The following TFRC variants were observed in gnomAD, a reference collection of about 807,000 sequenced individuals.
The protein encoded by TFRC is transferrin receptor protein 1.
TFRC carries 35 observed loss-of-function variants against 85.8 expected under a neutral mutation model. The ratio of observed to expected loss-of-function variants is 0.41; its 90% CI spans 0.31 to 0.54. TFRC has a LOEUF of 0.54. Among genes scored for constraint, TFRC ranks in the 20% least tolerant of loss-of-function variants. The pLI is 0.31. For missense variants in TFRC, 828 were observed against 921.5 expected, an observed-to-expected ratio of 0.90 and a Z score of 1.31; for synonymous variants, 362 against 328.6, an observed-to-expected ratio of 1.10 and a Z score of -1.10.
Position 196,075,338 on chromosome 3 carries a change from T to C in TFRC, c.59A>G (p.Tyr20Cys). Residue 20 changes from tyrosine to cysteine, a missense_variant, in exon 3 of 19, where the codon TAT (tyrosine) becomes TGT (cysteine). Physicochemically the swap from Tyr to Cys is radical, Grantham distance 194. Transcript: ENST00000360110. ...SNLFGGEPLS[Y>C]TRFSLARQVD... ...TTGCCGAGCCAGGCTGAACCGGGTATATGACAATGGTTCTCCACCAAACTG... is the reference window on the plus strand; with the variant it reads ...TTGCCGAGCCAGGCTGAACCGGGTACATGACAATGGTTCTCCACCAAACTG... The C allele has an allele frequency of 6.2e-7, 1 of 1,614,156 alleles. No individual in the cohort carries two copies. Among genetic ancestry groups the C allele is most frequent in the Non-Finnish European group, 8.5e-7 (1 of 1,180,024 alleles).
chr3:196,075,365 G>A lies in TFRC; in HGVS notation c.37-5C>T. The stretch of plus-strand genomic sequence containing the variant: ...TGACAATGGTTCTCCACCAAACTGT[G>A]TTGCGGAAAAAGGCATGATGAAGAA... On this transcript the variant is annotated splice_region_variant and splice_polypyrimidine_tract_variant and intron_variant, in intron 2 of 18. Coordinates refer to ENST00000360110, the MANE Select transcript of TFRC (RefSeq NM_001128148.3). 3 of 1,613,964 alleles carry A rather than the reference G, an allele frequency of 1.9e-6. No homozygotes were observed. Among genetic ancestry groups the A allele is most frequent in the Non-Finnish European group, 2.5e-6 (3 of 1,179,896 alleles).
intron 13 of TFRC, among the ~76,000 whole-genome samples, chr3:196,061,703 T>TG (rs1577228358): frequency 6.6e-6 from 1 of 152,288 alleles, no homozygotes; most frequent in East Asian, 1.9e-4. Context: ...TTGGCCAGGC[T>TG]GGTCTCGAAC....
rs1718558254 is a variant in TFRC, at chr3:196,075,063, AAAAT to A, written c.238+92_238+95del. 8.2e-4 allele frequency: 567 copies of A among 692,108 alleles called. 5 individuals are homozygous for A. The highest frequency in any genetic ancestry group is 1.6e-3 in the South Asian group (68 of 43,260). 42.9% of individuals were successfully genotyped at this position (692,108 alleles called of 1,614,324 possible). On this transcript the variant is annotated intron_variant, in intron 3 of 18. Transcript: ENST00000360110. ...TCTGTCTCCAAAAAAAAAAAAAAAA[AAAAT>A]AAGGTACAAAATAACTATATGCTGA...
chr3:196,075,069 A>AAAAT, intron 3 of TFRC, 90 bp downstream of exon 3: 1 of 967,196 alleles, frequency 1.0e-6, no homozygotes, highest in Non-Finnish European at 1.5e-6. Context: ...AAAAAAAATA[A>AAAAT]GGTACAAAAT....
chr3:196,078,605 C>T (rs897862678), intron 1 of TFRC, among the ~76,000 whole-genome samples: 2 of 150,754 alleles, frequency 1.3e-5, no homozygotes, highest in African/African-American at 4.9e-5. Flanking sequence ...TGCAGTGAGC[C>T]GAGATGGCAC....
intron 11 of TFRC, 89 bp downstream of exon 11, chr3:196,064,220 A>G: frequency 7.4e-7 from 1 of 1,347,846 alleles, no homozygotes; most frequent in African/African-American, 1.5e-5. Flanking sequence ...GAACCACAGG[A>G]ATGCAGGCAA....
In TFRC at chr3:196,055,035, C is replaced by T. The variant is rs764816207; in HGVS notation, c.1899+45G>A. 4.5e-6 allele frequency: 7 copies of T among 1,570,364 alleles called. No homozygotes were observed. The African/African-American group carries it at 8.1e-5, about 18-fold the overall frequency. On this transcript the variant is annotated intron_variant, in intron 17 of 18. Transcript: ENST00000360110. Reference sequence around the variant, plus strand: ...CAGGAACACATCACATTTCAAAATACTTGACATTCAGCAAAATAAAAACGT... The same window carrying T: ...CAGGAACACATCACATTTCAAAATATTTGACATTCAGCAAAATAAAAACGT...
intron 16 of TFRC, chr3:196,055,582 TC>T (rs1716710228): frequency 2.1e-6 from 1 of 467,488 alleles, no homozygotes; most frequent in South Asian, 2.4e-5. Context: ...CTAGCCAAAT[TC>T]CTTAAGGCTG....
intron 10 of TFRC, among the ~76,000 whole-genome samples, chr3:196,064,661 C>T (rs1717566719): frequency 6.6e-6 from 1 of 152,218 alleles, no homozygotes; most frequent in East Asian, 1.9e-4. Context: ...TTACTGACTA[C>T]TTAAGTCCAA....
chr3:196,053,949 A>G (rs1189329667), intron 17 of TFRC, among the ~76,000 whole-genome samples: 1 of 152,228 alleles, frequency 6.6e-6, no homozygotes, highest in Non-Finnish European at 1.5e-5. Flanking sequence ...CAAGAAAGAC[A>G]TAAGATGCCG....
At chr3:196,073,500 C>A (rs1718403891) in intron 4 of TFRC, among the ~76,000 whole-genome samples, 1 of 152,046 alleles carries the variant, frequency 6.6e-6, no homozygotes, top group Non-Finnish European at 1.5e-5. Context: ...GCACTAGAGA[C>A]TTAAGGCAGG....
chr3:196,082,057 C>A lies in TFRC; in HGVS notation c.-38G>T, dbSNP rs1190109932. The A allele has an allele frequency of 2.6e-5, 4 of 153,230 alleles. No individual in the cohort carries two copies. The East Asian group carries it at 5.7e-4, about 22-fold the overall frequency. 9.5% of individuals were successfully genotyped at this position (153,230 alleles called of 1,614,324 possible). A position where few individuals can be genotyped will look rare whatever the true frequency, so the allele number is the denominator to read the frequency against. On this transcript the variant is annotated 5_prime_UTR_variant, in exon 1 of 19. Coordinates refer to ENST00000360110, the MANE Select transcript of TFRC (RefSeq NM_001128148.3). The stretch of plus-strand genomic sequence containing the variant: ...CCCGCACTCACACTAGCGCGTCCTC[C>A]GTCCCGAGCCGCCACCCGATATCCC...
intron 17 of TFRC, among the ~76,000 whole-genome samples, chr3:196,054,393 G>A (rs1485438152): frequency 2.0e-5 from 3 of 151,398 alleles, no homozygotes; most frequent in East Asian, 1.9e-4. Context: ...GGACAAGAGC[G>A]AGACTTCATC....
At chr3:196,063,276 T>A (rs41295895) in intron 11 of TFRC, 1 of 186,772 alleles carries the variant, frequency 5.4e-6, no homozygotes, top group Non-Finnish European at 1.1e-5. Flanking sequence ...CCAGAGATCA[T>A]TGAAAACAGT....
At chr3:196,071,681 T>C (rs41301379) in intron 5 of TFRC, among the ~76,000 whole-genome samples, 183 bp from the exon 6 acceptor site, 2,983 of 152,344 alleles carry the variant, frequency 0.02, 59 homozygotes, top group African/African-American at 0.05. Flanking sequence ...CCCAGCACTT[T>C]GGGAGGCCCA....
chr3:196,071,826 C>A (rs912542115), intron 5 of TFRC, among the ~76,000 whole-genome samples, 177 bp downstream of exon 5: 1 of 152,174 alleles, frequency 6.6e-6, no homozygotes, highest in Non-Finnish European at 1.5e-5. Flanking sequence ...ATCACTTGAA[C>A]CCAGAAGGCA....
chr3:196,063,977 A>C (rs1330570201), intron 11 of TFRC, among the ~76,000 whole-genome samples: 3 of 152,224 alleles, frequency 2.0e-5, no homozygotes, highest in Non-Finnish European at 4.4e-5. Flanking sequence ...AGGCCTCAGT[A>C]CATGAGTAGA....
chr3:196,071,550 A>C, intron 5 of TFRC, 52 bp from the exon 6 acceptor site: 1 of 1,498,724 alleles, frequency 6.7e-7, no homozygotes, highest in Non-Finnish European at 9.3e-7. Flanking sequence ...TCCAAAAAAC[A>C]CAATAGCTTA....
At position 196,068,006 on chromosome 3, in the gene TFRC, G is replaced by A. The variant is rs370584956; in HGVS notation, c.900+26C>T. On this transcript the variant is annotated intron_variant, in intron 8 of 18. Coordinates refer to ENST00000360110, the MANE Select transcript of TFRC (RefSeq NM_001128148.3). ...AAGAACAACTCAAGGAACTCAAAACGGTGATTTACTCAAGAAATAACTCAC... is the reference window on the plus strand; with the variant it reads ...AAGAACAACTCAAGGAACTCAAAACAGTGATTTACTCAAGAAATAACTCAC... The A allele has an allele frequency of 1.8e-4, 284 of 1,575,138 alleles. 1 individual carries two copies. Among genetic ancestry groups the A allele is most frequent in the Non-Finnish European group, 2.1e-4 (239 of 1,148,624 alleles).
Sources: gnomAD v4.1 joint callset for allele counts (sites outside exome capture counted in the v4.1 genomes callset) on GRCh38, gnomAD v4.1.1 for gene constraint, MANE v1.5 for transcripts, NCBI Gene and HGNC (gene_info 2026-07-23, HGNC 2026-07-21) for gene names.